Variants in GPA33 observed in about 807,000 individuals in gnomAD.
The protein encoded by GPA33 is glycoprotein A33.
In GPA33, 27 loss-of-function variants were observed where a neutral mutation model predicts 35.6. That is an observed-to-expected ratio of 0.76 (90% CI 0.56 to 1.04). The LOEUF (loss-of-function observed/expected upper bound fraction) is 1.04, where lower values mean the gene tolerates loss of function less well. Among genes scored for constraint, GPA33 ranks in the 50% least tolerant of loss-of-function variants. GPA33 has a pLI of 0.00. For missense variants in GPA33, 428 were observed against 411.9 expected (o/e 1.04, Z -0.34); for synonymous variants, 176 against 164.0 (o/e 1.07, Z -0.56).
chr1:167,072,231 CG>C lies in GPA33; in HGVS notation c.198+1153del, dbSNP rs565761968. On this transcript the variant is annotated intron_variant, in intron 2 of 6. Coordinates refer to ENST00000367868, the MANE Select transcript of GPA33 (RefSeq NM_005814.3). ...GCTAAGTCTTTCCACTCTAAGTGGT[CG>C]GGGACCTAATGCTTATCTCTGCCAG... 1.5e-3 allele frequency among the ~76,000 whole-genome samples: 226 copies of C among 152,230 alleles called. 2 individuals are homozygous for C. Among genetic ancestry groups the C allele is most frequent in the African/African-American group, 5.0e-3 (209 of 41,536 alleles).
intron 4 of GPA33, among the ~76,000 whole-genome samples, chr1:167,060,583 A>T (rs1173983187): frequency 6.6e-6 from 1 of 152,220 alleles, no homozygotes; most frequent in Non-Finnish European, 1.5e-5. Flanking sequence ...AAGCTTTCAC[A>T]AATTAAAGAA....
intron 1 of GPA33, among the ~76,000 whole-genome samples, chr1:167,081,978 G>A (rs1273788567): frequency 6.6e-6 from 1 of 152,228 alleles, no homozygotes; most frequent in African/African-American, 2.4e-5. Flanking sequence ...GCCCAATTAA[G>A]TGTTAAAGTG....
rs185342689 is a variant in GPA33, at chr1:167,087,143, C to T, written c.43+3102G>A. On this transcript the variant is annotated intron_variant, in intron 1 of 6. Transcript: ENST00000367868. ...TTGTGGAGGGGGCAGCGCATGGCGG[C>T]TTTTTTGGTGATAACTTAGGGTTCA... Among the ~76,000 whole-genome samples, 377 of 152,212 alleles carry T rather than the reference C, an allele frequency of 2.5e-3. 2 individuals carry two copies. Among genetic ancestry groups the T allele is most frequent in the African/African-American group, 8.1e-3 (338 of 41,528 alleles).
intron 4 of GPA33, among the ~76,000 whole-genome samples, chr1:167,056,660 ACGGT>A (rs1666276095): frequency 5.4e-4 from 2 of 3,736 alleles, no homozygotes; most frequent in African/African-American, 1.2e-3. Context: ...TGTGTGTGGT[ACGGT>A]GAGTGTGTGA....
intron 4 of GPA33, among the ~76,000 whole-genome samples, chr1:167,056,294 A>G (rs562540098): frequency 6.6e-6 from 1 of 152,352 alleles, no homozygotes; most frequent in South Asian, 2.1e-4. Flanking sequence ...CTTTCTAATC[A>G]GAAGATATTA....
At chr1:167,082,634 A>C (rs747728484) in intron 1 of GPA33, among the ~76,000 whole-genome samples, 3 of 152,192 alleles carry the variant, frequency 2.0e-5, no homozygotes, top group Non-Finnish European at 2.9e-5. Context: ...GCACAGTTGG[A>C]AAGCCAGCTT....
At chr1:167,071,240 C>G (rs748991709) in intron 2 of GPA33, among the ~76,000 whole-genome samples, 3 of 152,180 alleles carry the variant, frequency 2.0e-5, no homozygotes, top group Non-Finnish European at 4.4e-5. Flanking sequence ...GACAAGAAGA[C>G]TCCAAGGTTG....
intron 1 of GPA33, among the ~76,000 whole-genome samples, chr1:167,088,819 G>T (rs920088346): frequency 1.3e-5 from 2 of 152,172 alleles, no homozygotes; most frequent in African/African-American, 4.8e-5. Context: ...GGAGCTTCTG[G>T]CTTACCAGGA....
chr1:167,063,463 G>C, intron 4 of GPA33, 119 bp downstream of exon 4: 3 of 803,070 alleles, frequency 3.7e-6, no homozygotes, highest in Non-Finnish European at 6.0e-6. Flanking sequence ...GGGATGGGTA[G>C]GGAAGCAAGC....
chr1:167,073,953 C>G (rs1420983934), intron 1 of GPA33, among the ~76,000 whole-genome samples: 1 of 152,090 alleles, frequency 6.6e-6, no homozygotes, highest in African/African-American at 2.4e-5. Context: ...TCTCAATAAA[C>G]ATTACCTGCC....
chr1:167,053,964 C>CA lies in GPA33; in HGVS notation c.*369dup. 1 of 247,206 alleles carries CA rather than the reference C, an allele frequency of 4.0e-6. No individual in the cohort carries two copies. The highest frequency in any genetic ancestry group is 7.8e-6 in the Non-Finnish European group (1 of 128,068). 15.3% of individuals were successfully genotyped at this position (247,206 alleles called of 1,614,324 possible). A position where few individuals can be genotyped will look rare whatever the true frequency, so the allele number is the denominator to read the frequency against. Reference sequence around the variant, plus strand: ...GGTGAGCAGGACAGCCCCCACCCCCCAAGGCTGGCATCGCCTCCCTGGAGA... The same window carrying CA: ...GGTGAGCAGGACAGCCCCCACCCCCCAAAGGCTGGCATCGCCTCCCTGGAGA... On this transcript the variant is annotated 3_prime_UTR_variant, in exon 7 of 7. Coordinates refer to ENST00000367868, the MANE Select transcript of GPA33 (RefSeq NM_005814.3).
In GPA33 at chr1:167,055,092, C is replaced by T. The variant is rs1666210981; in HGVS notation, c.711G>A (p.Leu237=). ...AVRSPSMNVA[L]YVGIAVGVVA... ...CCACGCCCACCGCGATGCCCACATA[C>T]AGGGCCACGTTCATGGAGGCTGCAA... The change falls in exon 6 of 7, where the codon CTG becomes CTA. Residue 237 remains leucine (L), a synonymous_variant. Transcript: ENST00000367868. The T allele has an allele frequency of 1.2e-6, 2 of 1,613,292 alleles. No homozygotes were observed. Among genetic ancestry groups the T allele is most frequent in the Non-Finnish European group, 1.7e-6 (2 of 1,180,004 alleles).
intron 6 of GPA33, 121 bp downstream of exon 6, chr1:167,054,855 G>C (rs1373960079): frequency 1.8e-6 from 2 of 1,136,282 alleles, no homozygotes; most frequent in East Asian, 2.4e-5. Flanking sequence ...TGTTTCATCA[G>C]CACAAAATGG....
In GPA33 at chr1:167,055,725, C is replaced by T; in HGVS notation, c.691+5G>A. The T allele has an allele frequency of 6.2e-7, 1 of 1,613,910 alleles. No homozygotes were observed. Among genetic ancestry groups the T allele is most frequent in the Non-Finnish European group, 8.5e-7 (1 of 1,179,954 alleles). On this transcript the variant is annotated splice_donor_5th_base_variant and intron_variant, in intron 5 of 6. Transcript: ENST00000367868. The stretch of plus-strand genomic sequence containing the variant: ...GTCAGCCCTCCCCCCGCAGGCTGCT[C>T]TTACGAGATCTGACGGCCACCGTGA...
At chr1:167,076,068 T>C (rs1348588293) in intron 1 of GPA33, among the ~76,000 whole-genome samples, 1 of 151,986 alleles carries the variant, frequency 6.6e-6, no homozygotes, top group Non-Finnish European at 1.5e-5. Context: ...AAGCAGACAG[T>C]GTTTGCTGGA....
chr1:167,073,709 C>T (rs572888461), intron 1 of GPA33, among the ~76,000 whole-genome samples, 170 bp from the exon 2 acceptor site: 7 of 152,322 alleles, frequency 4.6e-5, no homozygotes, highest in Middle Eastern at 3.4e-3. Flanking sequence ...TCCTCCAAGA[C>T]TGCGATGAGG....
chr1:167,079,046 G>T (rs1452276811), intron 1 of GPA33, among the ~76,000 whole-genome samples: 2 of 152,112 alleles, frequency 1.3e-5, no homozygotes, highest in African/African-American at 4.8e-5. Context: ...ATCACCATGG[G>T]TGAGCTGTCA....
At position 167,067,876 on chromosome 1, in the gene GPA33, T is replaced by A. The variant is rs1236207170; in HGVS notation, c.415+1046A>T. ...AGGAAAAGAGAAAAGTATGCAAGAG[T>A]GTGTGTGTGTTGAAAGGACATGAGG... On this transcript the variant is annotated intron_variant, in intron 3 of 6. Transcript: ENST00000367868. Among the ~76,000 whole-genome samples the A allele has an allele frequency of 2.6e-5, 4 of 151,588 alleles. No individual in the cohort carries two copies. In the East Asian group the frequency reaches 7.7e-4, roughly 29 times the overall value.
chr1:167,084,751 C>T (rs911825325), intron 1 of GPA33, among the ~76,000 whole-genome samples: 1 of 152,166 alleles, frequency 6.6e-6, no homozygotes, highest in Non-Finnish European at 1.5e-5. Flanking sequence ...TTAAGCCAAC[C>T]CAGCATAAAG....
Sources: allele counts gnomAD v4.1 joint callset (sites outside exome capture counted in the v4.1 genomes callset), GRCh38; gene constraint gnomAD v4.1.1; transcripts MANE v1.5; gene names NCBI Gene and HGNC (gene_info 2026-07-23, HGNC 2026-07-21).